RTTN: variants seen among roughly 807,000 people sequenced by gnomAD.
The protein encoded by RTTN is rotatin.
RTTN carries 182 observed loss-of-function variants against 269.2 expected under a neutral mutation model. That is an observed-to-expected ratio of 0.68 (90% CI 0.60 to 0.76). RTTN has a LOEUF of 0.76. RTTN is among the 30% of genes least tolerant of loss of function. The pLI is 0.00. For synonymous variants in RTTN, 1,006 were observed against 963.5 expected, an observed-to-expected ratio of 1.04 and a Z score of -0.82; for missense variants, 2,545 against 2,608.6, an observed-to-expected ratio of 0.98 and a Z score of 0.53.
rs771272445 is a variant in RTTN, at chr18:70,017,653, G to A, written c.6175C>T (p.Leu2059Phe). 1.2e-6 allele frequency: 2 copies of A among 1,612,186 alleles called. No homozygotes were observed. Among genetic ancestry groups the A allele is most frequent in the Admixed American group, 1.7e-5 (1 of 59,854 alleles). The change falls in exon 46 of 49, where the codon CTC becomes TTC. Residue 2059 changes from leucine to phenylalanine, a missense_variant. Leu to Phe is a conservative substitution (Grantham distance 22, BLOSUM62 0). Coordinates refer to ENST00000640769, the MANE Select transcript of RTTN (RefSeq NM_173630.4). ...IQKSNFLQNF[L>F]SLALPKGGNK... is the part of the protein sequence containing the mutation. ...CCTCCTTTTGGCAATGCTAGAGAGA[G>A]GAAGTTCTGTAAGAAGTTACTCTGT...
At chr18:70,087,649 G>A (rs571471068) in intron 31 of RTTN, among the ~76,000 whole-genome samples, 2 of 152,178 alleles carry the variant, frequency 1.3e-5, no homozygotes, top group South Asian at 2.1e-4. Flanking sequence ...TATTTTGACA[G>A]CCTCTTATCT....
At chr18:70,201,229 C>A (rs79302718) in intron 4 of RTTN, among the ~76,000 whole-genome samples, 2,939 of 152,276 alleles carry the variant, frequency 0.019, 94 homozygotes, top group African/African-American at 0.066. Context: ...CTCTGGCTGG[C>A]GTAACTGGAT....
chr18:70,167,142 G>A (rs1413368824), intron 12 of RTTN, 111 bp from the exon 13 acceptor site: 1 of 661,558 alleles, frequency 1.5e-6, no homozygotes, highest in African/African-American at 1.9e-5. Context: ...CCATGAGACT[G>A]TTTACATTTG....
At chr18:70,039,553 T>C (rs117700340) in intron 40 of RTTN, among the ~76,000 whole-genome samples, 2,412 of 151,966 alleles carry the variant, frequency 0.016, 23 homozygotes, top group Non-Finnish European at 0.023. Context: ...CTACAAGAAA[T>C]AGTAAAGTGA....
chr18:70,136,105 T>C (rs2060117666), intron 21 of RTTN, among the ~76,000 whole-genome samples: 1 of 152,036 alleles, frequency 6.6e-6, no homozygotes, highest in Admixed American at 6.6e-5. Context: ...ATTGGCATGA[T>C]TAAAAATAGC....
Position 70,190,566 on chromosome 18 carries a change from C to T in RTTN, c.1161G>A (p.Leu387=). Residue 387 remains leucine (L), a synonymous_variant, in exon 9 of 49, where the codon CTG becomes CTA. Transcript: ENST00000640769. ...LSLPQFCVSI[L]ESAVPLLRTG... is the part of the protein sequence containing the mutation. The stretch of plus-strand genomic sequence containing the variant: ...TTCTTAAGAGAGGAACAGCTGATTC[C>T]AGAATGGAGACACAAAACTGGGGAA... The T allele has an allele frequency of 6.2e-7, 1 of 1,613,432 alleles. No individual in the cohort carries two copies. The highest frequency in any genetic ancestry group is 1.1e-5 in the South Asian group (1 of 91,008).
At chr18:70,141,604 C>G (rs150609626) in intron 19 of RTTN, among the ~76,000 whole-genome samples, 2,496 of 152,112 alleles carry the variant, frequency 0.016, 67 homozygotes, top group African/African-American at 0.055. Flanking sequence ...CGGGGAACAT[C>G]ACACTCCCGG....
At chr18:70,010,769 A>G (rs908971932) in intron 46 of RTTN, among the ~76,000 whole-genome samples, 5 of 152,230 alleles carry the variant, frequency 3.3e-5, no homozygotes, top group African/African-American at 1.2e-4. Flanking sequence ...GAGACACGAA[A>G]AACCCTTCAA....
chr18:70,050,024 T>C lies in RTTN; in HGVS notation c.5323+1387A>G, dbSNP rs115575601. 2.8e-3 allele frequency among the ~76,000 whole-genome samples: 434 copies of C among 152,308 alleles called. 1 individual carries two copies. Among genetic ancestry groups the C allele is most frequent in the African/African-American group, 9.8e-3 (406 of 41,564 alleles). On this transcript the variant is annotated intron_variant, in intron 39 of 48. Transcript: ENST00000640769. ...CACAGTAAAATTTATCTCATTGTTT[T>C]ATAATCATATCATATGTACCTTTAT...
chr18:70,037,829 G>A (rs768995371), intron 40 of RTTN, among the ~76,000 whole-genome samples: 4 of 152,192 alleles, frequency 2.6e-5, no homozygotes, highest in Non-Finnish European at 5.9e-5. Flanking sequence ...AATCCAGGCC[G>A]AGCCTCTTGG....
intron 32 of RTTN, among the ~76,000 whole-genome samples, 185 bp from the exon 33 acceptor site, chr18:70,075,726 G>T (rs2058412032): frequency 6.6e-6 from 1 of 151,892 alleles, no homozygotes; most frequent in African/African-American, 2.4e-5. Context: ...AATACTCTAG[G>T]TCTTTGCTGC....
chr18:70,012,294 G>A (rs1472302922), intron 46 of RTTN, among the ~76,000 whole-genome samples: 1 of 150,846 alleles, frequency 6.6e-6, no homozygotes, highest in East Asian at 2.0e-4. Context: ...ACTGGTATTA[G>A]TTACAGGGCA....
intron 11 of RTTN, among the ~76,000 whole-genome samples, chr18:70,173,282 C>G (rs966403589): frequency 6.6e-6 from 1 of 151,988 alleles, no homozygotes; most frequent in African/African-American, 2.4e-5. Flanking sequence ...AACAAGAGGT[C>G]AAGAGATCGA....
In RTTN at chr18:70,048,086, T is replaced by C; in HGVS notation, c.5426A>G (p.His1809Arg). 1.2e-6 allele frequency: 2 copies of C among 1,614,150 alleles called. No homozygotes were observed. The highest frequency in any genetic ancestry group is 1.1e-5 in the South Asian group (1 of 91,090). The change falls in exon 40 of 49, where the codon CAT (histidine) becomes CGT (arginine). Residue 1809 changes from histidine (H) to arginine (R), a missense_variant. Coordinates refer to ENST00000640769, the MANE Select transcript of RTTN (RefSeq NM_173630.4). Reference protein sequence around the residue: ...SVLLTEEAKGHLQAKSKTHLC... With the variant: ...SVLLTEEAKGRLQAKSKTHLC... ...ATGTGTTTTGCTCTTAGCCTGGAGA[T>C]GCCCTTTTGCTTCTTCGGTCAAGAG...
At chr18:70,144,881 T>C (rs2060349199) in intron 18 of RTTN, among the ~76,000 whole-genome samples, 1 of 152,206 alleles carries the variant, frequency 6.6e-6, no homozygotes. Context: ...ATTGCAAACT[T>C]GAGTGAAATG....
At chr18:70,169,264 A>G (rs111349500) in intron 11 of RTTN, among the ~76,000 whole-genome samples, 197 bp from the exon 12 acceptor site, 1,830 of 152,242 alleles carry the variant, frequency 0.012, 21 homozygotes, top group South Asian at 0.027. Flanking sequence ...TTTTCAATAC[A>G]AAATGTCTCA....
chr18:70,102,195 T>C (rs1422947545), intron 28 of RTTN, among the ~76,000 whole-genome samples: 5 of 152,176 alleles, frequency 3.3e-5, no homozygotes, highest in Non-Finnish European at 5.9e-5. Flanking sequence ...TCTCCCATTA[T>C]TATTGTGTGG....
intron 6 of RTTN, among the ~76,000 whole-genome samples, chr18:70,197,135 G>A (rs2061829778): frequency 6.6e-6 from 1 of 152,166 alleles, no homozygotes; most frequent in African/African-American, 2.4e-5. Flanking sequence ...CGAGAATGCT[G>A]AGCCATTACT....
chr18:70,173,319 AC>A lies in RTTN; in HGVS notation c.1476+3355del, dbSNP rs2061193332. Among the ~76,000 whole-genome samples, 5 of 151,880 alleles carry A rather than the reference AC, an allele frequency of 3.3e-5. No homozygotes were observed. The South Asian group carries it at 1.0e-3, about 32-fold the overall frequency. ...ACCATCCTGGCTAACATGGTGAAAC[AC>A]CATCTCTACTAAAAATACAAAAATT... On this transcript the variant is annotated intron_variant, in intron 11 of 48. Coordinates refer to ENST00000640769, the MANE Select transcript of RTTN (RefSeq NM_173630.4).
Sources: gnomAD v4.1 joint callset for allele counts (sites outside exome capture counted in the v4.1 genomes callset) on GRCh38, gnomAD v4.1.1 for gene constraint, MANE v1.5 for transcripts, NCBI Gene and HGNC (gene_info 2026-07-23, HGNC 2026-07-21) for gene names.